PPFIBP2: variants seen among roughly 807,000 people sequenced by gnomAD.
PPFIBP2 encodes the protein PPFIB scaffold protein 2.
Under a neutral mutation model 118.3 loss-of-function variants are expected in PPFIBP2, and 118 were observed. The observed-to-expected ratio is 1.00, with a 90% CI of 0.86 to 1.16. The LOEUF (loss-of-function observed/expected upper bound fraction) is 1.16, where lower values mean the gene tolerates loss of function less well. Ranked by LOEUF, PPFIBP2 falls within the 50% of genes most tolerant of loss-of-function variation. PPFIBP2 has a pLI of 0.00. For synonymous variants in PPFIBP2, 414 were observed against 397.4 expected (o/e 1.04, Z -0.50); for missense variants, 1,195 against 1,073.1 (o/e 1.11, Z -1.59).
chr11:7,621,039 T>C lies in PPFIBP2; in HGVS notation c.711+12T>C. The C allele has an allele frequency of 1.3e-6, 2 of 1,573,812 alleles. No homozygotes were observed. The highest frequency in any genetic ancestry group is 1.7e-6 in the Non-Finnish European group (2 of 1,143,444). ...TAAAGGCCACTAAGGTAAACGGCACTCCTGATGCTTATGGAGAGAGTATGA... is the reference window on the plus strand; with the variant it reads ...TAAAGGCCACTAAGGTAAACGGCACCCCTGATGCTTATGGAGAGAGTATGA... On this transcript the variant is annotated intron_variant, in intron 7 of 23. Coordinates refer to ENST00000299492, the MANE Select transcript of PPFIBP2 (RefSeq NM_003621.5).
downstream of PPFIBP2, chr11:7,656,685 CA>C (rs1328187834): frequency 1.6e-6 from 2 of 1,286,424 alleles, no homozygotes; most frequent in Admixed American, 4.6e-5. Flanking sequence ...CAGCCTGGAC[CA>C]AAACTCTATT....
intron 1 of PPFIBP2, among the ~76,000 whole-genome samples, chr11:7,548,112 G>A (rs1432297006): frequency 6.6e-6 from 1 of 152,210 alleles, no homozygotes; most frequent in Admixed American, 6.5e-5. Flanking sequence ...GTTAGATGCT[G>A]TTATCCCCAT....
chr11:7,573,545 C>T (rs925419256), intron 3 of PPFIBP2, among the ~76,000 whole-genome samples: 8 of 152,214 alleles, frequency 5.3e-5, no homozygotes, highest in Admixed American at 3.9e-4. Context: ...CTACATGGCC[C>T]ACCAAACCCA....
chr11:7,650,284 T>G (rs1853787128), intron 21 of PPFIBP2, among the ~76,000 whole-genome samples: 1 of 152,218 alleles, frequency 6.6e-6, no homozygotes. Flanking sequence ...TAAAATTAAC[T>G]CAGCTTCCTG....
downstream of PPFIBP2, among the ~76,000 whole-genome samples, chr11:7,654,692 G>A (rs562979051): frequency 3.5e-4 from 54 of 152,340 alleles, no homozygotes; most frequent in African/African-American, 1.3e-3. Context: ...CACTGGAGTT[G>A]TAGAGCCAGT....
intron 2 of PPFIBP2, among the ~76,000 whole-genome samples, chr11:7,558,891 T>C (rs1343567504): frequency 6.6e-6 from 1 of 152,234 alleles, no homozygotes; most frequent in African/African-American, 2.4e-5. Flanking sequence ...AATTCTCAGG[T>C]GACCTCTATA....
chr11:7,640,563 G>T (rs1338831084), intron 15 of PPFIBP2, among the ~76,000 whole-genome samples: 1 of 152,208 alleles, frequency 6.6e-6, no homozygotes, highest in East Asian at 1.9e-4. Context: ...GCTCTTCCCT[G>T]AGCTGGCCCA....
intron 1 of PPFIBP2, among the ~76,000 whole-genome samples, chr11:7,517,628 G>GT (rs963939483): frequency 6.6e-6 from 1 of 152,074 alleles, no homozygotes; most frequent in African/African-American, 2.4e-5. Flanking sequence ...AAGCAGAAAA[G>GT]TGGAGGGGTG....
chr11:7,596,675 ACT>A (rs1860377415), intron 4 of PPFIBP2, among the ~76,000 whole-genome samples: 1 of 152,084 alleles, frequency 6.6e-6, no homozygotes, highest in South Asian at 2.1e-4. Context: ...AATGGCAACA[ACT>A]CTAACCAAAA....
intron 11 of PPFIBP2, 120 bp from the exon 12 acceptor site, chr11:7,632,747 C>T (rs1274719892): frequency 1.3e-6 from 1 of 742,402 alleles, no homozygotes; most frequent in Non-Finnish European, 2.3e-6. Flanking sequence ...ATGTATCCAC[C>T]ATGGCTGCAC....
intron 9 of PPFIBP2, among the ~76,000 whole-genome samples, chr11:7,629,095 C>T (rs1850411269): frequency 6.6e-6 from 1 of 152,186 alleles, no homozygotes; most frequent in East Asian, 1.9e-4. Flanking sequence ...ATAAATATGA[C>T]AGCTTTATTT....
chr11:7,589,740 T>A (rs956179321), intron 3 of PPFIBP2, among the ~76,000 whole-genome samples: 11 of 152,220 alleles, frequency 7.2e-5, no homozygotes, highest in Non-Finnish European at 1.3e-4. Flanking sequence ...GCAACTGCTC[T>A]ATCGCTGACT....
chr11:7,540,501 A>G (rs1851668436), intron 1 of PPFIBP2, among the ~76,000 whole-genome samples: 1 of 152,184 alleles, frequency 6.6e-6, no homozygotes, highest in Non-Finnish European at 1.5e-5. Context: ...GGTCCCACCC[A>G]TTGTGAGAAT....
At chr11:7,562,533 T>C (rs1228473035) in intron 2 of PPFIBP2, among the ~76,000 whole-genome samples, 1 of 152,208 alleles carries the variant, frequency 6.6e-6, no homozygotes, top group Non-Finnish European at 1.5e-5. Flanking sequence ...GCAACCGTGA[T>C]ATAATATCCA....
chr11:7,663,662 G>A, the PPFIBP2 span, among the ~76,000 whole-genome samples: 1 of 152,254 alleles, frequency 6.6e-6, no homozygotes, highest in African/African-American at 2.4e-5. Context: ...TCCTTGAGCT[G>A]TGGTGGGCTC....
chr11:7,619,780 C>G, intron 6 of PPFIBP2, among the ~76,000 whole-genome samples: 1 of 152,094 alleles, frequency 6.6e-6, no homozygotes. Flanking sequence ...CTGGATAGGC[C>G]GTTAGATAGA....
chr11:7,642,667 T>C (rs1329439311), intron 17 of PPFIBP2, among the ~76,000 whole-genome samples: 1 of 152,216 alleles, frequency 6.6e-6, no homozygotes, highest in Non-Finnish European at 1.5e-5. Flanking sequence ...TGACATTTTA[T>C]ATCTAACCAA....
At chr11:7,640,395 A>G (rs1043210566) in intron 15 of PPFIBP2, among the ~76,000 whole-genome samples, 1 of 152,210 alleles carries the variant, frequency 6.6e-6, no homozygotes, top group Non-Finnish European at 1.5e-5. Context: ...GTCGGTCTGC[A>G]GGTATCCTTT....
chr11:7,605,619 G>A, intron 5 of PPFIBP2: 1 of 881,034 alleles, frequency 1.1e-6, no homozygotes, highest in Non-Finnish European at 1.4e-6. Context: ...TTTCTGCTGT[G>A]GTATGAATAC....
Sources: gnomAD v4.1 joint callset for allele counts (sites outside exome capture counted in the v4.1 genomes callset) on GRCh38, gnomAD v4.1.1 for gene constraint, MANE v1.5 for transcripts, NCBI Gene and HGNC (gene_info 2026-07-23, HGNC 2026-07-21) for gene names.